Variants in SRPK3 observed in about 807,000 individuals in gnomAD.
SRPK3 encodes the protein SFRS protein kinase 3.
SRPK3 carries 26 observed loss-of-function variants against 45.3 expected under a neutral mutation model. The observed-to-expected ratio is 0.57, with a 90% CI of 0.42 to 0.80. The LOEUF (loss-of-function observed/expected upper bound fraction) is 0.80. Ranked by LOEUF, SRPK3 falls within the 30% of genes least tolerant of loss-of-function variation. SRPK3 has a pLI of 0.00. For missense variants in SRPK3, 536 were observed against 514.5 expected (o/e 1.04, Z -0.40); for synonymous variants, 254 against 226.6 (o/e 1.12, Z -1.09).
intron 5 of SRPK3, 45 bp downstream of exon 5, chrX:153,782,253 G>A (rs782436873): frequency 1.4e-5 from 15 of 1,059,858 alleles, no homozygotes; most frequent in Admixed American, 8.8e-5. Context: ...GCCAAGGGCC[G>A]GCAAATGGGG....
chrX:153,785,675 G>A lies in SRPK3; in HGVS notation c.*155G>A, dbSNP rs920748994. Reference sequence around the variant, plus strand: ...AGAGCGTGTTCTGCCTGAGACCCCCGTGAGGGCTCTCGGAGAAAGTGTGTG... The same window carrying A: ...AGAGCGTGTTCTGCCTGAGACCCCCATGAGGGCTCTCGGAGAAAGTGTGTG... On this transcript the variant is annotated 3_prime_UTR_variant, in exon 15 of 15. Transcript: ENST00000370101. The A allele has an allele frequency of 2.5e-5, 20 of 806,986 alleles. No homozygotes were observed. In the East Asian group the frequency reaches 3.6e-4, roughly 14 times the overall value. The allele number at this position is 806,986 out of a possible 1,213,427, so 66.5% of individuals were successfully genotyped here.
At chrX:153,783,349 G>T in intron 8 of SRPK3, 98 bp downstream of exon 8, 1 of 572,655 alleles carries the variant, frequency 1.7e-6, no homozygotes, top group Non-Finnish European at 2.8e-6. Context: ...CCACCTTCAC[G>T]CACTCCCACG....
In SRPK3 at chrX:153,781,272, C is replaced by T. The variant is rs1007902224; in HGVS notation, c.116C>T (p.Pro39Leu). The T allele has an allele frequency of 1.1e-5, 13 of 1,209,957 alleles. No homozygotes were observed. Among genetic ancestry groups the T allele is most frequent in the South Asian group, 5.3e-5 (3 of 56,782 alleles). ...SSGSELALATPVPQMLQGLLG... is the reference protein window; with the variant it reads ...SSGSELALATLVPQMLQGLLG... ...GGCTCCGAACTAGCCCTGGCCACAC[C>T]GGTGCCTCAGATGCTGCAGGGCCTT... Residue 39 changes from proline (P) to leucine (L), a missense_variant, in exon 2 of 15, where the codon CCG becomes CTG. Transcript: ENST00000370101.
chrX:153,784,003 G>C lies in SRPK3; in HGVS notation c.937G>C (p.Gly313Arg). ...DSGLRLDGGSGSTSSSGCHPG... is the reference protein window; with the variant it reads ...DSGLRLDGGSRSTSSSGCHPG... ...TGGCTTGAGACTAGACGGGGGCAGC[G>C]GCTCCACATCCTCTTCAGGCTGTCA... Residue 313 changes from glycine (G) to arginine (R), a missense_variant, in exon 10 of 15, where the codon GGC becomes CGC. Transcript: ENST00000370101. 11 of 1,201,990 alleles carry C rather than the reference G, an allele frequency of 9.2e-6. No homozygotes were observed. The highest frequency in any genetic ancestry group is 1.2e-5 in the Non-Finnish European group (11 of 890,493).
rs782762398 is a variant in SRPK3 at position 153,784,129 on chromosome X, G to A, written c.1063G>A (p.Gly355Ser). 82 of 1,209,337 alleles carry A rather than the reference G, an allele frequency of 6.8e-5. No individual in the cohort carries two copies. The South Asian group carries it at 1.2e-3, about 17-fold the overall frequency. The change falls in exon 10 of 15, where the codon GGC (glycine) becomes AGC (serine). Residue 355 changes from glycine to serine, a missense_variant. Coordinates refer to ENST00000370101, the MANE Select transcript of SRPK3 (RefSeq NM_014370.4). ...SAGSQTSGFS[G>S]SLFSPASCSI... ...GGGCTCACAGACCTCAGGCTTCTCCGGCTCCCTCTTCTCTCCTGCCTCCTG... is the reference window on the plus strand; with the variant it reads ...GGGCTCACAGACCTCAGGCTTCTCCAGCTCCCTCTTCTCTCCTGCCTCCTG...
chrX:153,785,303 G>A (rs2092079946), intron 14 of SRPK3, 33 bp from the exon 15 acceptor site: 1 of 1,196,160 alleles, frequency 8.4e-7, no homozygotes, highest in African/African-American at 1.7e-5. Context: ...CAGAGACAGG[G>A]ACAGAGCCTG....
Position 153,784,107 on chromosome X carries a change from C to G in SRPK3, c.1041C>G (p.Gly347=). The G allele has an allele frequency of 8.3e-7, 1 of 1,210,966 alleles. No individual in the cohort carries two copies. Among genetic ancestry groups the G allele is most frequent in the South Asian group, 1.8e-5 (1 of 57,040 alleles). The change falls in exon 10 of 15, where the codon GGC becomes GGG. Residue 347 remains glycine (G), a synonymous_variant. Coordinates refer to ENST00000370101, the MANE Select transcript of SRPK3 (RefSeq NM_014370.4). ...APGGGRSLSA[G]SQTSGFSGSL... The stretch of plus-strand genomic sequence containing the variant: ...GGGGCGGCCGTAGCCTCAGCGCGGG[C>G]TCACAGACCTCAGGCTTCTCCGGCT...
chrX:153,784,474 C>G (rs891129475), intron 11 of SRPK3, 80 bp downstream of exon 11: 11 of 1,054,490 alleles, frequency 1.0e-5, no homozygotes, highest in Non-Finnish European at 1.4e-5. Flanking sequence ...GGGAGCCCTA[C>G]CCCAGTCTGC....
At chrX:153,783,614 G>A (rs934138031) in intron 8 of SRPK3, 138 bp from the exon 9 acceptor site, 16 of 1,018,949 alleles carry the variant, frequency 1.6e-5, no homozygotes, top group African/African-American at 9.5e-5. Context: ...GCCAAGGGGC[G>A]CTGGCGCCAC....
chrX:153,783,157 G>A, intron 7 of SRPK3, 39 bp downstream of exon 7: 2 of 1,180,644 alleles, frequency 1.7e-6, no homozygotes, highest in Non-Finnish European at 2.3e-6. Context: ...GGGGCCTCTG[G>A]GCCTGAACCC....
At chrX:153,783,621 CCA>C in intron 8 of SRPK3, 129 bp from the exon 9 acceptor site, 1 of 1,068,611 alleles carries the variant, frequency 9.4e-7, no homozygotes, top group Non-Finnish European at 1.3e-6. Context: ...GGCGCTGGCG[CCA>C]CATTCTGGTG....
chrX:153,781,240 G>C lies in SRPK3; in HGVS notation c.84G>C (p.Glu28Asp), dbSNP rs782100364. The change falls in exon 2 of 15, where the codon GAG (glutamate) becomes GAC (aspartate). Residue 28 changes from glutamate to aspartate, a missense_variant. Transcript: ENST00000370101. The part of the protein sequence containing the change: ...SSSSQASCGP[E>D]SSGSELALAT... Reference sequence around the variant, plus strand: ...GCTCACAGGCCTCCTGCGGGCCCGAGTCCTCGGGCTCCGAACTAGCCCTGG... The same window carrying C: ...GCTCACAGGCCTCCTGCGGGCCCGACTCCTCGGGCTCCGAACTAGCCCTGG... The C allele has an allele frequency of 3.3e-6, 4 of 1,207,832 alleles. No individual in the cohort carries two copies. Among genetic ancestry groups the C allele is most frequent in the Admixed American group, 4.4e-5 (2 of 45,848 alleles).
chrX:153,784,653 T>C, intron 11 of SRPK3, 97 bp from the exon 12 acceptor site: 1 of 1,050,400 alleles, frequency 9.5e-7, no homozygotes, highest in Non-Finnish European at 1.3e-6. Context: ...CAAACCCCAC[T>C]GAGCTCCTCG....
rs1486622548 is a variant in SRPK3, at chrX:153,781,268, A to C, written c.112A>C (p.Thr38Pro). 3.3e-6 allele frequency: 4 copies of C among 1,209,509 alleles called. No individual in the cohort carries two copies. The highest frequency in any genetic ancestry group is 3.4e-6 in the Non-Finnish European group (3 of 894,752). The change falls in exon 2 of 15, where the codon ACA (threonine) becomes CCA (proline). Residue 38 changes from threonine (T) to proline (P), a missense_variant. By Grantham distance (38) the Thr-to-Pro change is conservative. Coordinates refer to ENST00000370101, the MANE Select transcript of SRPK3 (RefSeq NM_014370.4). ...ESSGSELALA[T>P]PVPQMLQGLL... is the part of the protein sequence containing the mutation. ...CTCGGGCTCCGAACTAGCCCTGGCC[A>C]CACCGGTGCCTCAGATGCTGCAGGG...
At position 153,782,964 on chromosome X, in the gene SRPK3, C is replaced by G; in HGVS notation, c.594C>G (p.Gly198=). 1 of 1,180,490 alleles carries G rather than the reference C, an allele frequency of 8.5e-7. No individual in the cohort carries two copies. Among genetic ancestry groups the G allele is most frequent in the Non-Finnish European group, 1.1e-6 (1 of 877,707 alleles). Residue 198 remains glycine (G), a synonymous_variant, in exon 7 of 15, where the codon GGC becomes GGG. Coordinates refer to ENST00000370101, the MANE Select transcript of SRPK3 (RefSeq NM_014370.4). ...VKSIVRQVLH[G]LDYLHTKCKI... ...GCGACTCTCTGCAGGTGCTGCACGG[C>G]CTGGACTACCTCCACACCAAGTGCA...
chrX:153,783,199 C>G lies in SRPK3; in HGVS notation c.749-27C>G, dbSNP rs370996947. On this transcript the variant is annotated intron_variant, in intron 7 of 14. Transcript: ENST00000370101. ...GAGTCTCTGTTCCTCCCTGTCCCCC[C>G]CCACCGCTCCCCACCTGCACTCCCA... 216 of 989,377 alleles carry G rather than the reference C, an allele frequency of 2.2e-4. 5 individuals are homozygous for G. The African/African-American group carries it at 3.4e-3, about 16-fold the overall frequency. 81.5% of individuals were successfully genotyped at this position (989,377 alleles called of 1,213,427 possible). A position where few individuals can be genotyped will look rare whatever the true frequency, so the allele number is the denominator to read the frequency against.
chrX:153,783,192 G>GCCCCCCCCCCCCCCCCCCCCCC, intron 7 of SRPK3, 34 bp from the exon 8 acceptor site: 1 of 964,943 alleles, frequency 1.0e-6, no homozygotes, highest in Non-Finnish European at 1.4e-6. Flanking sequence ...GTTCCTCCCT[G>GCCCCCCCCCCCCCCCCCCCCCC]TCCCCCCCCA....
intron 5 of SRPK3, 135 bp downstream of exon 5, chrX:153,782,343 AC>A (rs1472668732): frequency 3.5e-5 from 18 of 513,993 alleles, no homozygotes; most frequent in Non-Finnish European, 3.3e-5. Flanking sequence ...CTCTGGCACG[AC>A]CCCGCCCCCA....
At chrX:153,783,192 G>GCCCCCCCCCCCCCCCC in intron 7 of SRPK3, 34 bp from the exon 8 acceptor site, 1 of 964,937 alleles carries the variant, frequency 1.0e-6, no homozygotes, top group Non-Finnish European at 1.4e-6. Flanking sequence ...GTTCCTCCCT[G>GCCCCCCCCCCCCCCCC]TCCCCCCCCA....
Sources: gnomAD v4.1 joint callset for allele counts on GRCh38, gnomAD v4.1.1 for gene constraint, MANE v1.5 for transcripts, NCBI Gene and HGNC (gene_info 2026-07-23, HGNC 2026-07-21) for gene names.